The following PTPRJ variants were observed in gnomAD, a reference collection of about 807,000 sequenced individuals.
PTPRJ encodes the protein receptor-type tyrosine-protein phosphatase eta.
A neutral mutation model predicts 141.3 loss-of-function variants in PTPRJ; 129 were observed. The observed-to-expected ratio is 0.91, with a 90% CI of 0.79 to 1.06. The LOEUF (loss-of-function observed/expected upper bound fraction) is 1.06. Among genes scored for constraint, PTPRJ ranks in the 50% least tolerant of loss-of-function variants. PTPRJ has a pLI of 0.00. For synonymous variants in PTPRJ, 610 were observed against 640.5 expected (o/e 0.95, Z 0.72); for missense variants, 1,601 against 1,679.7 (o/e 0.95, Z 0.82).
chr11:48,150,255 G>A (rs1857448716), intron 18 of PTPRJ, 72 bp downstream of exon 18: 1 of 1,308,598 alleles, frequency 7.6e-7, no homozygotes, highest in African/African-American at 1.5e-5. Flanking sequence ...GGGAGTTGGT[G>A]GATGGGTGGC....
At position 48,117,540 on chromosome 11, in the gene PTPRJ, C is replaced by CAAAAAAAAAAA. The variant is rs71045545; in HGVS notation, c.353-3438_353-3428dup. Among the ~76,000 whole-genome samples the CAAAAAAAAAAA allele has an allele frequency of 1.5e-4, 3 of 19,674 alleles. 1 individual carries two copies. Among genetic ancestry groups the CAAAAAAAAAAA allele is most frequent in the African/African-American group, 7.3e-4 (3 of 4,128 alleles). The allele number at this position is 19,674 out of a possible 152,430, so 12.9% of individuals were successfully genotyped here. ...TGGGCAACAGAGCAAGATTCTGTCT[C>CAAAAAAAAAAA]AAAAAAAAAAAAAAAAAAAAAAAAA... On this transcript the variant is annotated intron_variant, in intron 3 of 24. Coordinates refer to ENST00000418331, the MANE Select transcript of PTPRJ (RefSeq NM_002843.4).
Position 48,168,582 on chromosome 11 carries a change from A to ATATATATATG in PTPRJ, c.*1220_*1221insTATATATATG, listed in dbSNP as rs1351743334. 20 of 97,824 alleles carry ATATATATATG rather than the reference A, an allele frequency of 2.0e-4. 4 individuals carry two copies. Among genetic ancestry groups the ATATATATATG allele is most frequent in the East Asian group, 7.2e-4 (2 of 2,766 alleles). The allele number at this position is 97,824 out of a possible 1,614,324, so 6.1% of individuals were successfully genotyped here. ...TATATATATATATATATATATATAT[A>ATATATATATG]CACTAAGCTCTCAAAAACAGTCATT... is the stretch of plus-strand genomic sequence containing the variant. On this transcript the variant is annotated 3_prime_UTR_variant, in exon 25 of 25. Coordinates refer to ENST00000418331, the MANE Select transcript of PTPRJ (RefSeq NM_002843.4).
At chr11:48,000,671 A>C (rs1028668173) in intron 1 of PTPRJ, among the ~76,000 whole-genome samples, 1 of 151,114 alleles carries the variant, frequency 6.6e-6, no homozygotes, top group Non-Finnish European at 1.5e-5. Flanking sequence ...ACTTGAACCT[A>C]CCCCGCCCCT....
At chr11:48,014,891 A>G (rs368187334) in intron 1 of PTPRJ, among the ~76,000 whole-genome samples, 9 of 152,054 alleles carry the variant, frequency 5.9e-5, no homozygotes, top group Non-Finnish European at 7.4e-5. Context: ...TTTTTAGTAC[A>G]AATGGGGTTT....
chr11:48,141,643 C>T (rs1857230993), intron 11 of PTPRJ, among the ~76,000 whole-genome samples: 1 of 152,144 alleles, frequency 6.6e-6, no homozygotes, highest in South Asian at 2.1e-4. Flanking sequence ...CCCAAGGCCA[C>T]ACCTTAGAGT....
At chr11:48,163,793 G>A (rs1270982432) in intron 23 of PTPRJ, among the ~76,000 whole-genome samples, 175 bp downstream of exon 23, 1 of 152,152 alleles carries the variant, frequency 6.6e-6, no homozygotes, top group South Asian at 2.1e-4. Context: ...AACAGGGGTT[G>A]GCAAACTGTA....
chr11:48,029,207 G>T (rs1200890431), intron 1 of PTPRJ, among the ~76,000 whole-genome samples: 2 of 152,084 alleles, frequency 1.3e-5, no homozygotes, highest in African/African-American at 4.8e-5. Context: ...CATCTTCTTG[G>T]GTCAGGTGAG....
intron 1 of PTPRJ, among the ~76,000 whole-genome samples, chr11:47,985,800 A>C (rs140321728): frequency 0.018 from 2,678 of 152,206 alleles, 95 homozygotes; most frequent in African/African-American, 0.061. Flanking sequence ...TCCCGGGTTC[A>C]AGCGATTCTC....
At chr11:47,982,682 A>G (rs1358727049) in intron 1 of PTPRJ, among the ~76,000 whole-genome samples, 3 of 151,036 alleles carry the variant, frequency 2.0e-5, no homozygotes, top group African/African-American at 7.3e-5. Flanking sequence ...AAAAATTTTA[A>G]ATTATATATA....
chr11:48,059,823 G>A (rs1854870424), intron 1 of PTPRJ, among the ~76,000 whole-genome samples: 1 of 152,222 alleles, frequency 6.6e-6, no homozygotes. Context: ...TTGACCCAAG[G>A]TCACACCTAG....
chr11:48,139,824 G>A (rs1360158979), intron 11 of PTPRJ, 48 bp downstream of exon 11: 2 of 1,591,676 alleles, frequency 1.3e-6, no homozygotes, highest in Non-Finnish European at 8.6e-7. Flanking sequence ...GATCACTCCT[G>A]GAGCGGCTGA....
At chr11:48,052,333 C>T (rs1307886301) in intron 1 of PTPRJ, among the ~76,000 whole-genome samples, 4 of 152,236 alleles carry the variant, frequency 2.6e-5, no homozygotes, top group Admixed American at 2.6e-4. Context: ...GGTTCCCTTG[C>T]AGCAGGCATT....
intron 1 of PTPRJ, among the ~76,000 whole-genome samples, chr11:48,070,321 G>A (rs1855212660): frequency 6.6e-6 from 1 of 152,050 alleles, no homozygotes; most frequent in South Asian, 2.1e-4. Flanking sequence ...GGCCAACATG[G>A]TGAAAGCCCA....
At chr11:48,103,633 G>A (rs1856210264) in intron 1 of PTPRJ, among the ~76,000 whole-genome samples, 1 of 152,168 alleles carries the variant, frequency 6.6e-6, no homozygotes, top group Non-Finnish European at 1.5e-5. Context: ...AAGGTAATTT[G>A]AAACAGCTGC....
At chr11:47,996,938 G>T (rs775980835) in intron 1 of PTPRJ, among the ~76,000 whole-genome samples, 1 of 152,196 alleles carries the variant, frequency 6.6e-6, no homozygotes, top group Non-Finnish European at 1.5e-5. Flanking sequence ...CCAGCCTTTC[G>T]ATGTCTTTTG....
chr11:48,049,052 C>T (rs1232171762), intron 1 of PTPRJ, among the ~76,000 whole-genome samples: 1 of 152,160 alleles, frequency 6.6e-6, no homozygotes, highest in East Asian at 1.9e-4. Context: ...GGTTCTAAAG[C>T]TCCCTTAGCT....
At chr11:47,986,426 C>T (rs58830245) in intron 1 of PTPRJ, among the ~76,000 whole-genome samples, 2 of 152,186 alleles carry the variant, frequency 1.3e-5, no homozygotes, top group Admixed American at 6.5e-5. Flanking sequence ...GGAATTGCTA[C>T]GTAACACCTA....
At chr11:48,061,660 T>C (rs1299626206) in intron 1 of PTPRJ, among the ~76,000 whole-genome samples, 2 of 152,282 alleles carry the variant, frequency 1.3e-5, no homozygotes, top group East Asian at 3.9e-4. Context: ...CTCTGTTATG[T>C]ACCTCTCACA....
chr11:48,136,509 A>C (rs1857105886), intron 9 of PTPRJ, among the ~76,000 whole-genome samples: 1 of 152,246 alleles, frequency 6.6e-6, no homozygotes, highest in Admixed American at 6.5e-5. Context: ...AGAAGGAAGA[A>C]ATGATTCCTT....
Sources: gnomAD v4.1 joint callset for allele counts (sites outside exome capture counted in the v4.1 genomes callset) on GRCh38, gnomAD v4.1.1 for gene constraint, MANE v1.5 for transcripts, NCBI Gene and HGNC (gene_info 2026-07-23, HGNC 2026-07-21) for gene names.